RBMS3: variants seen among roughly 807,000 people sequenced by gnomAD.
The protein encoded by RBMS3 is RNA binding motif single stranded interacting protein 3.
RBMS3 carries 27 observed loss-of-function variants against 66.8 expected under a neutral mutation model. The observed-to-expected ratio is 0.40, with a 90% CI of 0.30 to 0.56. The LOEUF is 0.56. Among genes scored for constraint, RBMS3 ranks in the 20% least tolerant of loss-of-function variants. The pLI is 0.40. For synonymous variants in RBMS3, 188 were observed against 183.0 expected, an observed-to-expected ratio of 1.03 and a Z score of -0.22; for missense variants, 513 against 549.5, an observed-to-expected ratio of 0.93 and a Z score of 0.66.
intron 2 of RBMS3, among the ~76,000 whole-genome samples, chr3:29,476,407 T>G (rs921973872): frequency 6.6e-6 from 1 of 152,188 alleles, no homozygotes; most frequent in Non-Finnish European, 1.5e-5. Context: ...ATTTTTAAAG[T>G]TCTCTGGATT....
At chr3:29,733,485 A>C (rs1171457343) in intron 4 of RBMS3, among the ~76,000 whole-genome samples, 2 of 152,046 alleles carry the variant, frequency 1.3e-5, no homozygotes, top group African/African-American at 4.8e-5. Flanking sequence ...TCTGACTAAA[A>C]GTGTATACGA....
At chr3:29,765,463 C>G (rs1356171494) in intron 6 of RBMS3, among the ~76,000 whole-genome samples, 5 of 151,838 alleles carry the variant, frequency 3.3e-5, no homozygotes, top group Admixed American at 3.3e-4. Context: ...TGTGAATATG[C>G]TCAACTATAA....
intron 1 of RBMS3, among the ~76,000 whole-genome samples, chr3:29,353,521 T>C (rs1472300492): frequency 2.0e-5 from 3 of 152,018 alleles, no homozygotes; most frequent in Admixed American, 6.6e-5. Context: ...TAATTAGGTC[T>C]GTAGGAAGGA....
chr3:29,621,577 A>G (rs1427342595), intron 4 of RBMS3, among the ~76,000 whole-genome samples: 1 of 152,202 alleles, frequency 6.6e-6, no homozygotes, highest in African/African-American at 2.4e-5. Context: ...AAAAGTGAAT[A>G]GTTTTACTTC....
intron 4 of RBMS3, among the ~76,000 whole-genome samples, chr3:29,702,479 G>A (rs558892838): frequency 6.6e-5 from 10 of 152,310 alleles, no homozygotes; most frequent in African/African-American, 2.2e-4. Context: ...GTGGCAACCC[G>A]CCGGGGTCCT....
At chr3:29,981,259 T>A (rs1344967382) in intron 12 of RBMS3, among the ~76,000 whole-genome samples, 1 of 152,250 alleles carries the variant, frequency 6.6e-6, no homozygotes, top group East Asian at 1.9e-4. Context: ...GAAATGCTTG[T>A]GATTTTTTCA....
Position 29,869,470 on chromosome 3 carries a change from T to TAC in RBMS3, c.744+522_744+523dup, listed in dbSNP as rs563943463. Reference sequence around the variant, plus strand: ...TTTGATATCTGTTTATATATGTATATACACACACACACACACATATATAAA... The same window carrying TAC: ...TTTGATATCTGTTTATATATGTATATACACACACACACACACACATATATAAA... On this transcript the variant is annotated intron_variant, in intron 7 of 14. Transcript: ENST00000383767. Among the ~76,000 whole-genome samples the TAC allele has an allele frequency of 5.7e-3, 860 of 151,200 alleles. 7 individuals are homozygous for TAC. Among genetic ancestry groups the TAC allele is most frequent in the African/African-American group, 0.015 (629 of 41,224 alleles).
intron 2 of RBMS3, among the ~76,000 whole-genome samples, chr3:29,447,404 A>G (rs1245593298): frequency 3.9e-5 from 6 of 152,118 alleles, no homozygotes; most frequent in Non-Finnish European, 8.8e-5. Context: ...AGAGCTTGAT[A>G]TTTCTATTCT....
chr3:29,468,193 A>T (rs2042603204), intron 2 of RBMS3, among the ~76,000 whole-genome samples: 1 of 152,126 alleles, frequency 6.6e-6, no homozygotes, highest in Admixed American at 6.6e-5. Context: ...TGAACTTAGG[A>T]GTCTACCGGC....
chr3:29,346,684 C>T (rs73062126), intron 1 of RBMS3, among the ~76,000 whole-genome samples: 169 of 152,116 alleles, frequency 1.1e-3, no homozygotes, highest in Non-Finnish European at 1.6e-3. Context: ...TGAGCCACCG[C>T]GCCTGGCCAG....
chr3:29,854,189 C>T lies in RBMS3; in HGVS notation c.638-14669C>T, dbSNP rs1481599968. Among the ~76,000 whole-genome samples the T allele has an allele frequency of 2.0e-5, 3 of 152,226 alleles. No homozygotes were observed. In the East Asian group the frequency reaches 5.8e-4, roughly 29 times the overall value. On this transcript the variant is annotated intron_variant, in intron 6 of 14. Coordinates refer to ENST00000383767, the MANE Select transcript of RBMS3 (RefSeq NM_001003793.3). ...GCTCCAGGCTGAGAAGGGCGTCCCT[C>T]CCCGCGTCCCTGCAGCAGCCAGCAC... is the stretch of plus-strand genomic sequence containing the variant.
At chr3:29,725,817 C>T (rs2053842004) in intron 4 of RBMS3, among the ~76,000 whole-genome samples, 1 of 152,078 alleles carries the variant, frequency 6.6e-6, no homozygotes, top group South Asian at 2.1e-4. Flanking sequence ...AGAAACTATT[C>T]CAAACAATAG....
intron 1 of RBMS3, among the ~76,000 whole-genome samples, chr3:29,372,865 G>C (rs1205845615): frequency 2.0e-5 from 3 of 149,246 alleles, no homozygotes; most frequent in Non-Finnish European, 4.4e-5. Context: ...GCATTATTGT[G>C]ATGTTTCAGT....
chr3:29,688,145 C>T (rs531548000), intron 4 of RBMS3, among the ~76,000 whole-genome samples: 134 of 152,130 alleles, frequency 8.8e-4, no homozygotes, highest in African/African-American at 3.1e-3. Context: ...GTAAGTTATT[C>T]AGCCCTGATT....
rs146601522 is a variant in RBMS3 at position 29,989,089 on chromosome 3, G to A, written c.1179+866G>A. Among the ~76,000 whole-genome samples the A allele has an allele frequency of 5.9e-5, 9 of 152,212 alleles. No homozygotes were observed. The East Asian group carries it at 1.7e-3, about 29-fold the overall frequency. On this transcript the variant is annotated intron_variant, in intron 13 of 14. Transcript: ENST00000383767. ...CCAAAGACTAGAAACCATTGCTCTA[G>A]GCCATGAACCTGCACAGGTTTACAG...
intron 12 of RBMS3, among the ~76,000 whole-genome samples, chr3:29,956,978 T>A (rs965021848): frequency 3.3e-5 from 5 of 152,058 alleles, no homozygotes; most frequent in Non-Finnish European, 1.5e-5. Flanking sequence ...GCCTGCAGGG[T>A]CTTTGCATAA....
chr3:29,508,299 C>A (rs1006584632), intron 3 of RBMS3, among the ~76,000 whole-genome samples: 3 of 152,026 alleles, frequency 2.0e-5, no homozygotes, highest in African/African-American at 7.2e-5. Context: ...TTTGCTGCAC[C>A]CACGAACCCA....
chr3:29,964,644 A>C lies in RBMS3; in HGVS notation c.1098+20390A>C, dbSNP rs193121649. ...GTAACCTTTCCTCGGGAGTCTCCCA[A>C]CTCCTTCTTGGGGGCCAATTGTATG... On this transcript the variant is annotated intron_variant, in intron 12 of 14. Transcript: ENST00000383767. Among the ~76,000 whole-genome samples the C allele has an allele frequency of 2.3e-3, 350 of 151,696 alleles. 1 individual carries two copies. The highest frequency in any genetic ancestry group is 8.0e-3 in the African/African-American group (331 of 41,372).
At chr3:29,818,714 A>C (rs1362090278) in intron 6 of RBMS3, among the ~76,000 whole-genome samples, 2 of 152,112 alleles carry the variant, frequency 1.3e-5, no homozygotes, top group African/African-American at 4.8e-5. Flanking sequence ...TAATTTCTTC[A>C]AGCATCCCAT....
Sources: allele counts gnomAD v4.1 joint callset (sites outside exome capture counted in the v4.1 genomes callset), GRCh38; gene constraint gnomAD v4.1.1; transcripts MANE v1.5; gene names NCBI Gene and HGNC (gene_info 2026-07-23, HGNC 2026-07-21).